Variants in C3orf20 observed in about 807,000 individuals in gnomAD.
C3orf20 encodes the protein family with sequence similarity 149 member C.
C3orf20 carries 76 observed loss-of-function variants against 88.3 expected under a neutral mutation model. The ratio of observed to expected loss-of-function variants is 0.86; its 90% CI spans 0.72 to 1.04. The LOEUF (loss-of-function observed/expected upper bound fraction) is 1.04. C3orf20 is among the 50% of genes least tolerant of loss of function. The pLI is 0.00. For synonymous variants in C3orf20, 436 were observed against 437.4 expected (o/e 1.00, Z 0.04); for missense variants, 1,056 against 1,123.3 (o/e 0.94, Z 0.86).
chr3:14,770,495 G>A (rs1007091495), intron 15 of C3orf20, among the ~76,000 whole-genome samples: 11 of 152,070 alleles, frequency 7.2e-5, no homozygotes, highest in African/African-American at 1.5e-4. Context: ...TAGACAGCCC[G>A]TAAACACTGT....
At chr3:14,690,374 G>A (rs1559398668) in intron 5 of C3orf20, among the ~76,000 whole-genome samples, 1 of 152,186 alleles carries the variant, frequency 6.6e-6, no homozygotes, top group Non-Finnish European at 1.5e-5. Flanking sequence ...TCCCAGCGAT[G>A]TGGCGTCCCT....
intron 15 of C3orf20, among the ~76,000 whole-genome samples, chr3:14,764,212 A>G (rs2035638299): frequency 6.6e-6 from 1 of 151,622 alleles, no homozygotes; most frequent in South Asian, 2.1e-4. Flanking sequence ...CAAACTAGAT[A>G]GAAACATACA....
chr3:14,750,825 T>C (rs1279397954), intron 12 of C3orf20, among the ~76,000 whole-genome samples: 1 of 152,202 alleles, frequency 6.6e-6, no homozygotes, highest in Non-Finnish European at 1.5e-5. Context: ...TATTTAGATA[T>C]GTAGATTTAT....
intron 12 of C3orf20, among the ~76,000 whole-genome samples, chr3:14,746,890 A>T (rs1313075477): frequency 6.6e-6 from 1 of 152,262 alleles, no homozygotes; most frequent in Non-Finnish European, 1.5e-5. Flanking sequence ...AAAGCTCATA[A>T]TACAAAAAAT....
intron 6 of C3orf20, 25 bp from the exon 7 acceptor site, chr3:14,704,312 A>G: frequency 1.2e-6 from 2 of 1,611,828 alleles, no homozygotes; most frequent in South Asian, 1.1e-5. Flanking sequence ...AAGGCTAGAC[A>G]ATATATTGCT....
chr3:14,732,185 C>G (rs976227050), intron 12 of C3orf20, among the ~76,000 whole-genome samples: 2 of 152,220 alleles, frequency 1.3e-5, no homozygotes, highest in Admixed American at 1.3e-4. Context: ...TTTTTGCCAT[C>G]TGATAGACAT....
chr3:14,710,239 G>A (rs76178308), intron 7 of C3orf20, among the ~76,000 whole-genome samples: 1,637 of 151,362 alleles, frequency 0.011, 20 homozygotes, highest in African/African-American at 0.036. Flanking sequence ...AGGAATTTGA[G>A]TCTTTCTTTT....
chr3:14,736,530 A>T (rs2034715890), intron 12 of C3orf20, among the ~76,000 whole-genome samples: 2 of 150,966 alleles, frequency 1.3e-5, no homozygotes, highest in African/African-American at 2.4e-5. Flanking sequence ...ACCTCAAGTG[A>T]TCCACTTGCC....
intron 12 of C3orf20, among the ~76,000 whole-genome samples, chr3:14,731,122 T>C (rs552157848): frequency 1.3e-5 from 2 of 152,234 alleles, no homozygotes; most frequent in Non-Finnish European, 2.9e-5. Flanking sequence ...AATTCCCTTA[T>C]GCTATTCCTT....
intron 5 of C3orf20, among the ~76,000 whole-genome samples, chr3:14,690,321 G>A (rs2032662440): frequency 6.6e-6 from 1 of 152,192 alleles, no homozygotes; most frequent in Non-Finnish European, 1.5e-5. Context: ...CCCTATCACT[G>A]CATAGCACAG....
intron 5 of C3orf20, 120 bp from the exon 6 acceptor site, chr3:14,703,010 A>T: frequency 7.9e-7 from 1 of 1,266,528 alleles, no homozygotes; most frequent in Non-Finnish European, 1.1e-6. Flanking sequence ...AGCGGGACAA[A>T]TTTTAAAGCT....
chr3:14,684,372 G>A lies in C3orf20; in HGVS notation c.615G>A (p.Gln205=), dbSNP rs1267692243. Residue 205 remains glutamine, a synonymous_variant, in exon 4 of 17, where the codon CAG becomes CAA. Coordinates refer to ENST00000253697, the MANE Select transcript of C3orf20 (RefSeq NM_032137.5). ...TAGRSGYSSG[Q]LWKESLANMS... is the part of the protein sequence containing the mutation. ...GGAGAAGTGGCTACAGCAGCGGACA[G>A]TTGTGGAAAGGTGGGTACCTGAGCT... The A allele has an allele frequency of 1.3e-5, 21 of 1,613,914 alleles. No homozygotes were observed. The highest frequency in any genetic ancestry group is 1.7e-5 in the Non-Finnish European group (20 of 1,179,970).
At position 14,738,261 on chromosome 3, in the gene C3orf20, G is replaced by A. The variant is rs539267120; in HGVS notation, c.1940+9573G>A. 2.7e-4 allele frequency among the ~76,000 whole-genome samples: 39 copies of A among 143,640 alleles called. 1 individual carries two copies. Among genetic ancestry groups the A allele is most frequent in the African/African-American group, 9.4e-4 (36 of 38,118 alleles). The allele number at this position is 143,640 out of a possible 152,430, so 94.2% of individuals were successfully genotyped here. ...TGGCTCACTGCAACCTCTGCCCCCCGGGTTCAAGCAATTCTCCTGCCTCAA... is the reference window on the plus strand; with the variant it reads ...TGGCTCACTGCAACCTCTGCCCCCCAGGTTCAAGCAATTCTCCTGCCTCAA... On this transcript the variant is annotated intron_variant, in intron 12 of 16. Coordinates refer to ENST00000253697, the MANE Select transcript of C3orf20 (RefSeq NM_032137.5).
At position 14,772,999 on chromosome 3, in the gene C3orf20, G is replaced by A. The variant is rs549682754; in HGVS notation, c.*124G>A. The A allele has an allele frequency of 7.6e-5, 55 of 725,746 alleles. No individual in the cohort carries two copies. In the African/African-American group the frequency reaches 9.3e-4, roughly 12 times the overall value. 45.0% of individuals were successfully genotyped at this position (725,746 alleles called of 1,614,324 possible). ...CCAAGCTTCTATAATAAACCAGCGG[G>A]CCTCCAGCATTGGGGTGAGGCTCTG... On this transcript the variant is annotated 3_prime_UTR_variant, in exon 17 of 17. Transcript: ENST00000253697. This position sits in a 1 kb window ranked among gnomAD's most constrained non-coding sequence, Gnocchi z 4.2.
chr3:14,731,615 G>A (rs1221414257), intron 12 of C3orf20, among the ~76,000 whole-genome samples: 1 of 152,100 alleles, frequency 6.6e-6, no homozygotes, highest in Non-Finnish European at 1.5e-5. Flanking sequence ...AGCCCACTAG[G>A]GACCCAAACC....
chr3:14,684,520 A>G (rs2032293768), intron 4 of C3orf20, 138 bp downstream of exon 4: 3 of 1,190,660 alleles, frequency 2.5e-6, no homozygotes, highest in Non-Finnish European at 3.5e-6. Flanking sequence ...GGGATTTTCA[A>G]ATGCTACAGG....
Position 14,728,683 on chromosome 3 carries a change from A to G in C3orf20, c.1935A>G (p.Thr645=). The G allele has an allele frequency of 2.5e-6, 4 of 1,613,292 alleles. No individual in the cohort carries two copies. The highest frequency in any genetic ancestry group is 3.4e-6 in the Non-Finnish European group (4 of 1,179,994). ...TTKIHTKAKV[T]SRGKAREGRS... ...AAATCCACACCAAAGCCAAGGTCACATCCAGGTTGGCTTGGTCCTTCACGT... is the reference window on the plus strand; with the variant it reads ...AAATCCACACCAAAGCCAAGGTCACGTCCAGGTTGGCTTGGTCCTTCACGT... Residue 645 remains threonine, a synonymous_variant, in exon 12 of 17, where the codon ACA becomes ACG. Transcript: ENST00000253697.
intron 10 of C3orf20, 132 bp downstream of exon 10, chr3:14,721,916 C>T: frequency 1.6e-5 from 18 of 1,099,624 alleles, no homozygotes; most frequent in Non-Finnish European, 2.4e-5. Context: ...TTTCCTCTGC[C>T]ATTATTCACC....
intron 12 of C3orf20, among the ~76,000 whole-genome samples, chr3:14,754,497 A>G (rs1559441888): frequency 6.6e-6 from 1 of 152,198 alleles, no homozygotes; most frequent in Non-Finnish European, 1.5e-5. Flanking sequence ...AAATGCTACA[A>G]TGCTCTCTTA....
Sources: allele counts gnomAD v4.1 joint callset (sites outside exome capture counted in the v4.1 genomes callset), GRCh38; gene constraint gnomAD v4.1.1; non-coding constraint Gnocchi (gnomAD v3.1); transcripts MANE v1.5; gene names NCBI Gene and HGNC (gene_info 2026-07-23, HGNC 2026-07-21).